TTC34: variants seen among roughly 807,000 people sequenced by gnomAD.
TTC34 encodes the protein tetratricopeptide repeat protein 34.
In TTC34, 44 loss-of-function variants were observed where a neutral mutation model predicts 40.7. The ratio of observed to expected loss-of-function variants is 1.08; its 90% CI spans 0.85 to 1.39. TTC34 has a LOEUF of 1.39. Among genes scored for constraint, TTC34 ranks in the 40% most tolerant of loss-of-function variants. The pLI is 0.00. For missense variants in TTC34, 884 were observed against 838.0 expected, an observed-to-expected ratio of 1.05 and a Z score of -0.68; for synonymous variants, 422 against 398.6, an observed-to-expected ratio of 1.06 and a Z score of -0.70.
At chr1:2,758,230 C>T (rs1641570798) in intron 6 of TTC34, among the ~76,000 whole-genome samples, 1 of 109,598 alleles carries the variant, frequency 9.1e-6, no homozygotes, top group Non-Finnish European at 1.9e-5. Context: ...GAACAGCACA[C>T]ACACCCCCAG....
intron 6 of TTC34, among the ~76,000 whole-genome samples, chr1:2,753,306 G>C (rs1349004105): frequency 0.026 from 3,134 of 120,026 alleles, 445 homozygotes; most frequent in African/African-American, 0.11. Context: ...ACCCAGGTGA[G>C]CATCCGACAG....
intron 6 of TTC34, among the ~76,000 whole-genome samples, chr1:2,700,134 C>T (rs367688409): frequency 1.7e-5 from 2 of 116,238 alleles, no homozygotes; most frequent in African/African-American, 5.5e-5. Flanking sequence ...CATCCTCACC[C>T]CAGGTGAGCA....
At chr1:2,789,100 A>T (rs1287331826) in intron 3 of TTC34, among the ~76,000 whole-genome samples, 1 of 152,064 alleles carries the variant, frequency 6.6e-6, no homozygotes, top group African/African-American at 2.4e-5. Context: ...ACAAAACAAA[A>T]CAAAACAAAC....
intron 6 of TTC34, among the ~76,000 whole-genome samples, chr1:2,699,302 C>T (rs1411052727): frequency 4.7e-5 from 7 of 148,686 alleles, no homozygotes; most frequent in African/African-American, 1.2e-4. Context: ...CCCAGGCGAG[C>T]ATCTGACCGC....
exon 3 of TTC34, chr1:2,789,788 T>A: frequency 1.9e-6 from 1 of 514,924 alleles, no homozygotes; most frequent in East Asian, 3.5e-5. Context: ...GCCCCCCGGG[T>A]GCGGCGCCCC....
rs1007072145 is a variant in TTC34 at position 2,641,902 on chromosome 1, A to G, written c.2713-7T>C. ...CGGCTTCCTGGGCCGCCGCCTGCAC[A>G]GAGGACACAGAGAGAGGCAGGGAGA... On this transcript the variant is annotated splice_region_variant and splice_polypyrimidine_tract_variant and intron_variant, in intron 8 of 8. Coordinates refer to ENST00000401095, the Ensembl canonical transcript of TTC34. 2.8e-5 allele frequency: 41 copies of G among 1,460,784 alleles called. No homozygotes were observed. The highest frequency in any genetic ancestry group is 3.6e-5 in the Non-Finnish European group (40 of 1,109,160). 90.5% of individuals were successfully genotyped at this position (1,460,784 alleles called of 1,614,324 possible). A position where few individuals can be genotyped will look rare whatever the true frequency, so the allele number is the denominator to read the frequency against.
At chr1:2,753,860 C>CAT (rs1641412674) in intron 6 of TTC34, among the ~76,000 whole-genome samples, 1 of 71,624 alleles carries the variant, frequency 1.4e-5, no homozygotes. Flanking sequence ...GCCCACACTG[C>CAT]AGGGCGAGCA....
At chr1:2,755,844 G>A (rs1433647646) in intron 6 of TTC34, among the ~76,000 whole-genome samples, 1 of 83,646 alleles carries the variant, frequency 1.2e-5, no homozygotes, top group Non-Finnish European at 2.1e-5. Context: ...GCATCCGACA[G>A]CCTGGAACAT....
At chr1:2,652,725 C>T (rs1404922425) in intron 6 of TTC34, among the ~76,000 whole-genome samples, 29 of 113,580 alleles carry the variant, frequency 2.6e-4, no homozygotes, top group Middle Eastern at 6.2e-3. Context: ...AGCACCCACA[C>T]CCCCAGGTGA....
chr1:2,684,334 T>C (rs1257397899), intron 6 of TTC34, among the ~76,000 whole-genome samples: 4 of 110,500 alleles, frequency 3.6e-5, no homozygotes, highest in African/African-American at 1.5e-4. Context: ...GAGCATCTGA[T>C]GGTTTGCAGC....
At position 2,793,847 on chromosome 1, in the gene TTC34, G is replaced by A. The variant is rs527423837; in HGVS notation, c.785-3501C>T. On this transcript the variant is annotated intron_variant, in intron 2 of 8. Transcript: ENST00000401095. ...GTATAGCTTCATATTAACTGGTAGA[G>A]CAAATCCTTCTACTGCCACCTCTTC... 5.3e-5 allele frequency among the ~76,000 whole-genome samples: 8 copies of A among 152,198 alleles called. No homozygotes were observed. The South Asian group carries it at 6.2e-4, about 12-fold the overall frequency.
Position 2,751,648 on chromosome 1 carries a change from C to A in TTC34, c.2226+31961G>T, listed in dbSNP as rs1385407269. ...TGACGGCCTGGAACAGCACCCACACCCCCAGTTGAGCATTGGACAGCCTGG... is the reference window on the plus strand; with the variant it reads ...TGACGGCCTGGAACAGCACCCACACACCCAGTTGAGCATTGGACAGCCTGG... On this transcript the variant is annotated intron_variant, in intron 6 of 8. Coordinates refer to ENST00000401095, the Ensembl canonical transcript of TTC34. 9.9e-3 allele frequency among the ~76,000 whole-genome samples: 602 copies of A among 60,622 alleles called. 82 individuals carry two copies. The highest frequency in any genetic ancestry group is 0.022 in the Middle Eastern group (3 of 138). 39.8% of individuals were successfully genotyped at this position (60,622 alleles called of 152,430 possible). A position where few individuals can be genotyped will look rare whatever the true frequency, so the allele number is the denominator to read the frequency against.
intron 6 of TTC34, among the ~76,000 whole-genome samples, chr1:2,751,559 C>A (rs1418028677): frequency 2.0e-5 from 2 of 98,936 alleles, no homozygotes; most frequent in South Asian, 3.6e-4. Context: ...CCTGCAACAG[C>A]ACGCACACCC....
chr1:2,692,567 C>A (rs1640673419), intron 6 of TTC34, among the ~76,000 whole-genome samples: 1 of 148,632 alleles, frequency 6.7e-6, no homozygotes, highest in African/African-American at 2.5e-5. Context: ...ATCGGACGGC[C>A]TGGAACAGCA....
intron 6 of TTC34, among the ~76,000 whole-genome samples, chr1:2,754,970 GCACCCACAC>G (rs1641457556): frequency 1.5e-5 from 1 of 65,632 alleles, no homozygotes; most frequent in Non-Finnish European, 2.5e-5. Flanking sequence ...GCCTGGAACA[GCACCCACAC>G]CCCCAGGCGA....
At chr1:2,690,459 A>AACCCAGGAGAGCATCTGACAGC (rs1640566616) in intron 6 of TTC34, among the ~76,000 whole-genome samples, 3 of 105,850 alleles carry the variant, frequency 2.8e-5, no homozygotes, top group Non-Finnish European at 6.0e-5. Flanking sequence ...AGCACCCACA[A>AACCCAGGAGAGCATCTGACAGC]CCACAGGTGA....
At chr1:2,640,379 G>C (rs1003301890) in exon 9 of TTC34, 1 of 152,170 alleles carries the variant, frequency 6.6e-6, no homozygotes, top group African/African-American at 2.4e-5. Flanking sequence ...TTTAACGCAC[G>C]TATAAGAACA....
intron 6 of TTC34, among the ~76,000 whole-genome samples, chr1:2,654,296 GGTGA>G (rs1639262439): frequency 1.3e-5 from 1 of 79,710 alleles, no homozygotes; most frequent in African/African-American, 3.8e-5. Context: ...TGCACCCCCA[GGTGA>G]GCATCTGACA....
At chr1:2,695,817 C>G (rs547089638) in intron 6 of TTC34, among the ~76,000 whole-genome samples, 3 of 149,798 alleles carry the variant, frequency 2.0e-5, no homozygotes, top group African/African-American at 2.5e-5. Flanking sequence ...CATCTGACAG[C>G]CTGGAACAGC....
Sources: gnomAD v4.1 joint callset for allele counts (sites outside exome capture counted in the v4.1 genomes callset) on GRCh38, gnomAD v4.1.1 for gene constraint, MANE v1.5 for transcripts, NCBI Gene and HGNC (gene_info 2026-07-23, HGNC 2026-07-21) for gene names.